Variants in AP3B1 observed in about 807,000 individuals in gnomAD.
AP3B1 encodes AP-3 complex subunit beta-1.
In AP3B1, 61 loss-of-function variants were observed where a neutral mutation model predicts 132.5. That is an observed-to-expected ratio of 0.46 (90% CI 0.37 to 0.57). The LOEUF (loss-of-function observed/expected upper bound fraction) is 0.57. Ranked by LOEUF, AP3B1 falls within the 20% of genes least tolerant of loss-of-function variation. The pLI, the probability that AP3B1 is intolerant of heterozygous loss-of-function variation, is 0.00. For synonymous variants in AP3B1, 388 were observed against 438.3 expected (o/e 0.89, Z 1.43); for missense variants, 1,120 against 1,289.4 (o/e 0.87, Z 2.01).
chr5:78,100,576 T>G (rs425102), intron 21 of AP3B1, among the ~76,000 whole-genome samples: 36,527 of 152,094 alleles, frequency 0.24, 4,593 homozygotes, highest in Admixed American at 0.31. Context: ...TTTCCATTTT[T>G]ATTTACATTC....
At chr5:78,186,808 G>A (rs1256210463) in intron 7 of AP3B1, among the ~76,000 whole-genome samples, 1 of 152,038 alleles carries the variant, frequency 6.6e-6, no homozygotes, top group Non-Finnish European at 1.5e-5. Flanking sequence ...TTTTTCCCTT[G>A]CTAGGTGCCT....
At chr5:78,256,511 G>C (rs1287055041) in intron 2 of AP3B1, among the ~76,000 whole-genome samples, 5 of 151,928 alleles carry the variant, frequency 3.3e-5, no homozygotes, top group Non-Finnish European at 7.4e-5. Context: ...CAAATCACAA[G>C]ATGAAAGCTG....
At chr5:78,006,195 C>G (rs1746386541) in intron 26 of AP3B1, among the ~76,000 whole-genome samples, 1 of 152,126 alleles carries the variant, frequency 6.6e-6, no homozygotes, top group Non-Finnish European at 1.5e-5. Context: ...GCAAGCGAGG[C>G]CCAGAGAAGT....
chr5:78,217,832 T>C (rs751024447), intron 6 of AP3B1, among the ~76,000 whole-genome samples: 6 of 152,030 alleles, frequency 3.9e-5, no homozygotes, highest in Admixed American at 6.6e-5. Context: ...ATCCATGAAA[T>C]TGAACAGGTA....
intron 1 of AP3B1, among the ~76,000 whole-genome samples, chr5:78,272,036 T>C (rs10042151): frequency 0.24 from 36,307 of 152,152 alleles, 5,174 homozygotes; most frequent in Non-Finnish European, 0.32. Flanking sequence ...ATTTGCCATC[T>C]ATTGTCTCTA....
At chr5:78,264,148 G>A (rs184355702) in intron 2 of AP3B1, among the ~76,000 whole-genome samples, 5 of 152,280 alleles carry the variant, frequency 3.3e-5, no homozygotes, top group African/African-American at 1.2e-4. Flanking sequence ...GTCATTCAGC[G>A]ATGCATGACT....
chr5:78,176,509 T>A (rs1001853449), intron 9 of AP3B1, among the ~76,000 whole-genome samples: 1 of 152,152 alleles, frequency 6.6e-6, no homozygotes, highest in Non-Finnish European at 1.5e-5. Context: ...AATACATAGT[T>A]TTTTCCTTCC....
intron 24 of AP3B1, among the ~76,000 whole-genome samples, chr5:78,024,204 A>C (rs1330819632): frequency 6.6e-6 from 1 of 152,126 alleles, no homozygotes; most frequent in Non-Finnish European, 1.5e-5. Flanking sequence ...GAAGGACTAG[A>C]AGAAGATGTA....
intron 22 of AP3B1, among the ~76,000 whole-genome samples, chr5:78,069,671 AC>A (rs1331537312): frequency 6.6e-6 from 1 of 152,230 alleles, no homozygotes; most frequent in Non-Finnish European, 1.5e-5. Context: ...AAATGGCCAT[AC>A]TGCCTAAAGT....
intron 7 of AP3B1, among the ~76,000 whole-genome samples, chr5:78,215,234 T>G (rs1412172392): frequency 2.0e-5 from 3 of 152,002 alleles, no homozygotes; most frequent in African/African-American, 4.8e-5. Context: ...CAAATTGGTT[T>G]TTAAAATCTA....
intron 6 of AP3B1, among the ~76,000 whole-genome samples, chr5:78,218,044 TAATTA>T (rs1746031291): frequency 6.6e-6 from 1 of 152,064 alleles, no homozygotes; most frequent in African/African-American, 2.4e-5. Context: ...CAAATATCAT[TAATTA>T]AATAGAACCA....
chr5:78,202,074 C>T (rs1276777301), intron 7 of AP3B1, among the ~76,000 whole-genome samples: 12 of 152,030 alleles, frequency 7.9e-5, no homozygotes, highest in South Asian at 4.2e-4. Context: ...AAGTCTTTCC[C>T]GTGCTATGTT....
At chr5:78,214,443 A>C (rs1489383463) in intron 7 of AP3B1, among the ~76,000 whole-genome samples, 1 of 152,210 alleles carries the variant, frequency 6.6e-6, no homozygotes, top group African/African-American at 2.4e-5. Context: ...TATTTTTAGC[A>C]GGTATGGTAA....
At chr5:78,062,188 G>A (rs1009175998) in intron 22 of AP3B1, among the ~76,000 whole-genome samples, 2 of 152,100 alleles carry the variant, frequency 1.3e-5, no homozygotes, top group Non-Finnish European at 2.9e-5. Flanking sequence ...CAAAAATACC[G>A]TCATGGTGTG....
intron 2 of AP3B1, among the ~76,000 whole-genome samples, chr5:78,245,726 C>T (rs1747352361): frequency 6.6e-6 from 1 of 152,138 alleles, no homozygotes; most frequent in Non-Finnish European, 1.5e-5. Flanking sequence ...AAACCCTGTT[C>T]CTGGTCCCCT....
downstream of AP3B1, chr5:78,001,763 T>G (rs1262373046): frequency 6.6e-6 from 1 of 152,232 alleles, no homozygotes. Flanking sequence ...CAAAAAGAAC[T>G]GAGTAGCTTA....
chr5:78,213,278 G>C (rs1189537650), intron 7 of AP3B1, among the ~76,000 whole-genome samples: 1 of 152,170 alleles, frequency 6.6e-6, no homozygotes, highest in Non-Finnish European at 1.5e-5. Context: ...ACTATAAATG[G>C]CTACACTGCT....
chr5:78,285,739 G>C (rs750068734), intron 1 of AP3B1, among the ~76,000 whole-genome samples: 17 of 152,046 alleles, frequency 1.1e-4, no homozygotes, highest in Non-Finnish European at 1.6e-4. Flanking sequence ...AGCTGTGTAG[G>C]CAAAAAACTT....
chr5:78,169,813 T>C (rs1356327403), intron 11 of AP3B1, among the ~76,000 whole-genome samples: 2 of 152,064 alleles, frequency 1.3e-5, no homozygotes, highest in African/African-American at 4.8e-5. Flanking sequence ...ACGTGCAGGT[T>C]TGATACATAG....
Sources: allele counts gnomAD v4.1 joint callset (sites outside exome capture counted in the v4.1 genomes callset), GRCh38; gene constraint gnomAD v4.1.1; transcripts MANE v1.5; gene names NCBI Gene and HGNC (gene_info 2026-07-23, HGNC 2026-07-21).